Variants in TRHR observed in about 807,000 individuals in gnomAD.
TRHR encodes the protein thyrotropin-releasing hormone receptor.
Under a neutral mutation model 28.0 loss-of-function variants are expected in TRHR, and 14 were observed. The observed-to-expected ratio is 0.50, with a 90% confidence interval of 0.33 to 0.78. TRHR has a LOEUF of 0.78. TRHR is among the 30% of genes least tolerant of loss of function. TRHR has a pLI of 0.02. For missense variants in TRHR, 438 were observed against 469.5 expected (o/e 0.93, Z 0.62); for synonymous variants, 176 against 171.9 (o/e 1.02, Z -0.18).
At chr8:109,095,412 AG>A (rs1376991755) in intron 2 of TRHR, among the ~76,000 whole-genome samples, 2 of 152,162 alleles carry the variant, frequency 1.3e-5, no homozygotes, top group Non-Finnish European at 2.9e-5. Context: ...TTCAACAGAA[AG>A]GGGGAAGTAG....
chr8:109,111,337 C>T (rs1034668885), intron 2 of TRHR, among the ~76,000 whole-genome samples: 1 of 152,092 alleles, frequency 6.6e-6, no homozygotes, highest in Non-Finnish European at 1.5e-5. Flanking sequence ...ATTATTGTAA[C>T]AAAATTTAAA....
At chr8:109,112,985 A>C (rs1414305879) in intron 2 of TRHR, among the ~76,000 whole-genome samples, 1 of 152,166 alleles carries the variant, frequency 6.6e-6, no homozygotes, top group African/African-American at 2.4e-5. Flanking sequence ...TCAACAATTA[A>C]CTGCTTTCAG....
chr8:109,110,927 G>A (rs1249496330), intron 2 of TRHR, among the ~76,000 whole-genome samples: 3 of 152,096 alleles, frequency 2.0e-5, no homozygotes, highest in Non-Finnish European at 4.4e-5. Context: ...AGGCCAAGGC[G>A]GGTGAATCAC....
At chr8:109,101,718 T>C (rs1811679787) in intron 2 of TRHR, among the ~76,000 whole-genome samples, 1 of 152,146 alleles carries the variant, frequency 6.6e-6, no homozygotes, top group South Asian at 2.1e-4. Flanking sequence ...GAAGCGTCTA[T>C]AAAATACCAG....
Position 109,088,429 on chromosome 8 carries a change from G to A in TRHR, c.789+128G>A, listed in dbSNP as rs1811475279. 1.6e-5 allele frequency: 16 copies of A among 997,450 alleles called. No homozygotes were observed. In the South Asian group the frequency reaches 2.3e-4, roughly 14 times the overall value. 61.8% of individuals were successfully genotyped at this position (997,450 alleles called of 1,614,324 possible). A position where few individuals can be genotyped will look rare whatever the true frequency, so the allele number is the denominator to read the frequency against. Reference sequence around the variant, plus strand: ...TACAATCATGCAAATGTTTCACAGTGTAAGCTTCTGCCTAACATATTAAAT... The same window carrying A: ...TACAATCATGCAAATGTTTCACAGTATAAGCTTCTGCCTAACATATTAAAT... On this transcript the variant is annotated intron_variant, in intron 2 of 2. Transcript: ENST00000518632.
At chr8:109,103,269 T>A (rs1274680909) in intron 2 of TRHR, among the ~76,000 whole-genome samples, 1 of 152,174 alleles carries the variant, frequency 6.6e-6, no homozygotes, top group Non-Finnish European at 1.5e-5. Flanking sequence ...CAGTCCATTT[T>A]TTTTCTTTCC....
chr8:109,116,993 T>G (rs1475785285), intron 2 of TRHR, among the ~76,000 whole-genome samples: 1 of 152,018 alleles, frequency 6.6e-6, no homozygotes, highest in Non-Finnish European at 1.5e-5. Context: ...CAGTGAAAGT[T>G]GCTCCCTTCA....
At chr8:109,098,198 C>T (rs1023073247) in intron 2 of TRHR, among the ~76,000 whole-genome samples, 14 of 151,626 alleles carry the variant, frequency 9.2e-5, no homozygotes, top group African/African-American at 3.4e-4. Flanking sequence ...GGCTTGATCT[C>T]GGCTCACCGC....
chr8:109,112,688 A>C (rs1457520114), intron 2 of TRHR, among the ~76,000 whole-genome samples: 3 of 152,180 alleles, frequency 2.0e-5, no homozygotes, highest in African/African-American at 7.2e-5. Context: ...CAAATAGTTC[A>C]TAAGCAATAT....
At chr8:109,089,280 A>T (rs1318562617) in intron 2 of TRHR, among the ~76,000 whole-genome samples, 1 of 151,732 alleles carries the variant, frequency 6.6e-6, no homozygotes, top group Non-Finnish European at 1.5e-5. Context: ...TAAACTTGAA[A>T]TCAACATGCT....
intron 2 of TRHR, among the ~76,000 whole-genome samples, chr8:109,090,855 G>A (rs1172387850): frequency 2.0e-5 from 3 of 152,278 alleles, no homozygotes; most frequent in Admixed American, 6.5e-5. Context: ...GTGATGGAGC[G>A]ACTTAGTTGT....
In TRHR at chr8:109,119,613, G is replaced by T; in HGVS notation, c.*158G>T. 1 of 787,086 alleles carries T rather than the reference G, an allele frequency of 1.3e-6. No homozygotes were observed. The highest frequency in any genetic ancestry group is 2.0e-6 in the Non-Finnish European group (1 of 503,266). The allele number at this position is 787,086 out of a possible 1,614,324, so 48.8% of individuals were successfully genotyped here. ...TGGCCCTAGATACTTTAACCCATGA[G>T]GATGATTCAGACTTTCCTTCTTACA... On this transcript the variant is annotated 3_prime_UTR_variant, in exon 3 of 3. Coordinates refer to ENST00000518632, the MANE Select transcript of TRHR (RefSeq NM_003301.7).
rs1041349432 is a variant in TRHR, at chr8:109,086,672, C to T, written c.-300C>T. On this transcript the variant is annotated 5_prime_UTR_variant, in exon 1 of 3. Coordinates refer to ENST00000518632, the MANE Select transcript of TRHR (RefSeq NM_003301.7). ...TTTGACAGCCTCACTGCTGCTGCTC[C>T]TGCTGCTGCTTCTGCTTCTGCCGCG... 1 of 153,550 alleles carries T rather than the reference C, an allele frequency of 6.5e-6. No individual in the cohort carries two copies. Among genetic ancestry groups the T allele is most frequent in the African/African-American group, 2.4e-5 (1 of 41,430 alleles). 9.5% of individuals were successfully genotyped at this position (153,550 alleles called of 1,614,324 possible). A position where few individuals can be genotyped will look rare whatever the true frequency, so the allele number is the denominator to read the frequency against.
intron 2 of TRHR, among the ~76,000 whole-genome samples, chr8:109,115,881 T>C: frequency 6.6e-6 from 1 of 152,170 alleles, no homozygotes. Context: ...CCCTGTCTTG[T>C]GCCAGTTTTC....
chr8:109,119,588 T>C lies in TRHR; in HGVS notation c.*133T>C. The stretch of plus-strand genomic sequence containing the variant: ...TCTTTGTCAATGCTCTAACAAATTC[T>C]GGCCCTAGATACTTTAACCCATGAG... On this transcript the variant is annotated 3_prime_UTR_variant, in exon 3 of 3. Coordinates refer to ENST00000518632, the MANE Select transcript of TRHR (RefSeq NM_003301.7). 2 of 1,067,648 alleles carry C rather than the reference T, an allele frequency of 1.9e-6. No individual in the cohort carries two copies. The highest frequency in any genetic ancestry group is 1.4e-6 in the Non-Finnish European group (1 of 738,308). 66.1% of individuals were successfully genotyped at this position (1,067,648 alleles called of 1,614,324 possible).
chr8:109,118,625 C>T (rs1811954688), intron 2 of TRHR, among the ~76,000 whole-genome samples: 1 of 151,936 alleles, frequency 6.6e-6, no homozygotes, highest in African/African-American at 2.4e-5. Flanking sequence ...ATTTGTCTCT[C>T]CTCTTCTTGG....
At position 109,087,732 on chromosome 8, in the gene TRHR, G is replaced by T; in HGVS notation, c.220G>T (p.Val74Phe). Residue 74 changes from valine to phenylalanine, a missense_variant, in exon 2 of 3, where the codon GTC (valine) becomes TTC (phenylalanine). Val to Phe is a conservative substitution (Grantham distance 50). Transcript: ENST00000518632. ...LVSLAVADLM[V>F]LVAAGLPNIT... ...GAGCCTGGCAGTAGCTGATCTCATG[G>T]TCTTGGTGGCCGCAGGCCTCCCCAA... 6.2e-7 allele frequency: 1 copy of T among 1,614,122 alleles called. No homozygotes were observed. Among genetic ancestry groups the T allele is most frequent in the Non-Finnish European group, 8.5e-7 (1 of 1,180,022 alleles).
At chr8:109,113,317 T>C (rs377218256) in intron 2 of TRHR, among the ~76,000 whole-genome samples, 2 of 152,114 alleles carry the variant, frequency 1.3e-5, no homozygotes, top group Non-Finnish European at 2.9e-5. Context: ...GAGAATGGCA[T>C]GTCACTCCTG....
chr8:109,116,805 A>T (rs7839384), intron 2 of TRHR, among the ~76,000 whole-genome samples: 3,654 of 152,110 alleles, frequency 0.024, 136 homozygotes, highest in African/African-American at 0.083. Flanking sequence ...AATCCCTGAG[A>T]GTAGGGAAAT....
Sources: allele counts gnomAD v4.1 joint callset (sites outside exome capture counted in the v4.1 genomes callset), GRCh38; gene constraint gnomAD v4.1.1; transcripts MANE v1.5; gene names NCBI Gene and HGNC (gene_info 2026-07-23, HGNC 2026-07-21).